ADGRL3: variants seen among roughly 807,000 people sequenced by gnomAD.
ADGRL3 encodes the protein calcium-independent alpha-latrotoxin receptor 3.
Under a neutral mutation model 153.5 loss-of-function variants are expected in ADGRL3, and 62 were observed. The observed-to-expected ratio is 0.40, with a 90% CI of 0.33 to 0.50. The LOEUF (loss-of-function observed/expected upper bound fraction) is 0.50, where lower values mean the gene tolerates loss of function less well. Ranked by LOEUF, ADGRL3 falls within the 20% of genes least tolerant of loss-of-function variation. The pLI is 0.47. For synonymous variants in ADGRL3, 710 were observed against 672.5 expected (o/e 1.06, Z -0.86); for missense variants, 1,641 against 1,859.4 (o/e 0.88, Z 2.16).
intron 4 of ADGRL3, among the ~76,000 whole-genome samples, chr4:61,521,409 A>G (rs1428600197): frequency 1.3e-5 from 2 of 152,178 alleles, no homozygotes; most frequent in African/African-American, 2.4e-5. Context: ...GAAGAACACA[A>G]TGGTATAACA....
rs13136685 is a variant in ADGRL3, at chr4:61,379,192, G to C, written c.-239-3932G>C. On this transcript the variant is annotated intron_variant, in intron 1 of 26. Coordinates refer to ENST00000683033, the MANE Select transcript of ADGRL3 (RefSeq NM_001387552.1). The stretch of plus-strand genomic sequence containing the variant: ...TAGACTAGTCGGGTGAGACCTGAAG[G>C]GGGTAGTTGGAAAAAGGATTTGACC... Among the ~76,000 whole-genome samples the C allele has an allele frequency of 3.4e-3, 522 of 151,716 alleles. 5 individuals carry two copies. The highest frequency in any genetic ancestry group is 6.8e-3 in the Middle Eastern group (2 of 294).
intron 19 of ADGRL3, among the ~76,000 whole-genome samples, chr4:61,992,888 G>T (rs796994253): frequency 3.3e-5 from 5 of 152,190 alleles, no homozygotes; most frequent in African/African-American, 9.6e-5. Context: ...CATTTGGTGA[G>T]ATTATTTAAT....
intron 17 of ADGRL3, among the ~76,000 whole-genome samples, chr4:61,955,939 G>A (rs1384007100): frequency 1.3e-5 from 2 of 151,952 alleles, no homozygotes; most frequent in Admixed American, 1.3e-4. Context: ...TCTATCATTG[G>A]TGGGCAATTG....
At chr4:62,011,921 C>G (rs895274290) in intron 21 of ADGRL3, among the ~76,000 whole-genome samples, 4 of 151,928 alleles carry the variant, frequency 2.6e-5, no homozygotes, top group Non-Finnish European at 5.9e-5. Context: ...ATAACAAAAA[C>G]CAGCTAGGAA....
chr4:62,043,435 A>G (rs6833782), intron 24 of ADGRL3, among the ~76,000 whole-genome samples: 147,220 of 152,136 alleles, frequency 0.97, 71,400 homozygotes, highest in East Asian at 1. Flanking sequence ...GTGCATGCAC[A>G]CATTTGTCAA....
intron 2 of ADGRL3, among the ~76,000 whole-genome samples, chr4:61,401,606 A>G (rs1276431856): frequency 6.6e-6 from 1 of 152,002 alleles, no homozygotes; most frequent in Non-Finnish European, 1.5e-5. Flanking sequence ...GTTTATTATC[A>G]TCTAAGTTGA....
intron 4 of ADGRL3, among the ~76,000 whole-genome samples, chr4:61,528,453 C>A (rs974483815): frequency 3.3e-5 from 5 of 151,870 alleles, no homozygotes; most frequent in African/African-American, 1.2e-4. Context: ...CCCCAGACAC[C>A]CAGAATTGAG....
chr4:61,270,037 A>C (rs1308103201), intron 1 of ADGRL3, among the ~76,000 whole-genome samples: 3 of 151,730 alleles, frequency 2.0e-5, no homozygotes, highest in Non-Finnish European at 3.0e-5. Flanking sequence ...ATTTGTTACT[A>C]TATATAAAAA....
At chr4:61,538,282 T>C (rs1006706714) in intron 4 of ADGRL3, among the ~76,000 whole-genome samples, 1 of 152,178 alleles carries the variant, frequency 6.6e-6, no homozygotes, top group Non-Finnish European at 1.5e-5. Context: ...ATTGTCTACG[T>C]AGTGGCTTTT....
chr4:61,323,655 TC>T (rs2095409532), intron 1 of ADGRL3, among the ~76,000 whole-genome samples: 1 of 152,136 alleles, frequency 6.6e-6, no homozygotes, highest in Non-Finnish European at 1.5e-5. Flanking sequence ...AAGTTCCTCA[TC>T]TCCATCTGAG....
intron 1 of ADGRL3, among the ~76,000 whole-genome samples, chr4:61,242,453 T>C (rs1268582480): frequency 6.6e-6 from 1 of 152,080 alleles, no homozygotes. Context: ...TCTGCAATTT[T>C]TCTTTTTTCT....
intron 1 of ADGRL3, among the ~76,000 whole-genome samples, chr4:61,295,807 A>G (rs903677692): frequency 6.6e-6 from 1 of 150,930 alleles, no homozygotes; most frequent in African/African-American, 2.4e-5. Flanking sequence ...ACAGATTTAA[A>G]AAAAAAAAAA....
chr4:61,387,873 G>A (rs1190898854), intron 2 of ADGRL3, among the ~76,000 whole-genome samples: 1 of 152,122 alleles, frequency 6.6e-6, no homozygotes, highest in African/African-American at 2.4e-5. Context: ...TATTGATTGG[G>A]GAAGTGGTAA....
chr4:61,451,617 A>C (rs1262202971), intron 2 of ADGRL3, among the ~76,000 whole-genome samples: 2 of 152,172 alleles, frequency 1.3e-5, no homozygotes, highest in Admixed American at 6.6e-5. Flanking sequence ...TCTTTGAGTT[A>C]AAGTTCCTCA....
At chr4:61,952,848 C>A (rs2098952436) in intron 17 of ADGRL3, among the ~76,000 whole-genome samples, 1 of 152,092 alleles carries the variant, frequency 6.6e-6, no homozygotes. Flanking sequence ...CAGTTCATTG[C>A]CTAACAACCT....
chr4:61,616,852 G>T (rs1421970384), intron 5 of ADGRL3, among the ~76,000 whole-genome samples: 3 of 151,788 alleles, frequency 2.0e-5, no homozygotes, highest in Non-Finnish European at 4.4e-5. Context: ...GTGGGGTCTT[G>T]TTATGTTGCC....
At chr4:61,936,813 C>CACACACACACACACACAG (rs939964108) in intron 15 of ADGRL3, among the ~76,000 whole-genome samples, 2 of 150,744 alleles carry the variant, frequency 1.3e-5, no homozygotes, top group African/African-American at 2.4e-5. Flanking sequence ...CACACACACA[C>CACACACACACACACACAG]AGAGATATAT....
intron 13 of ADGRL3, 118 bp from the exon 14 acceptor site, chr4:61,934,722 A>G (rs1363231883): frequency 8.5e-6 from 6 of 702,014 alleles, no homozygotes; most frequent in African/African-American, 1.8e-5. Flanking sequence ...GGCTGGGACA[A>G]TACTGAACTC....
chr4:61,817,228 G>A (rs557111924), intron 9 of ADGRL3, among the ~76,000 whole-genome samples: 40 of 150,478 alleles, frequency 2.7e-4, no homozygotes, highest in Admixed American at 1.3e-3. Flanking sequence ...ACAGGTTCCC[G>A]GGCTGAAAGG....
Sources: allele counts gnomAD v4.1 joint callset (sites outside exome capture counted in the v4.1 genomes callset), GRCh38; gene constraint gnomAD v4.1.1; transcripts MANE v1.5; gene names NCBI Gene and HGNC (gene_info 2026-07-23, HGNC 2026-07-21).